The following PTPRN2 variants were observed in gnomAD, a reference collection of about 807,000 sequenced individuals.
The protein encoded by PTPRN2 is protein tyrosine phosphatase receptor type N2.
In PTPRN2, 74 loss-of-function variants were observed where a neutral mutation model predicts 118.8. The ratio of observed to expected loss-of-function variants is 0.62; its 90% CI spans 0.52 to 0.76. The LOEUF (loss-of-function observed/expected upper bound fraction) is 0.76. PTPRN2 is among the 30% of genes least tolerant of loss of function. PTPRN2 has a pLI of 0.00. For synonymous variants in PTPRN2, 641 were observed against 608.0 expected (o/e 1.05, Z -0.80); for missense variants, 1,481 against 1,394.4 (o/e 1.06, Z -0.99).
chr7:157,943,367 G>A (rs773947941), intron 11 of PTPRN2, among the ~76,000 whole-genome samples: 6 of 152,072 alleles, frequency 3.9e-5, no homozygotes, highest in African/African-American at 7.3e-5. Context: ...CTGAATGGCC[G>A]ACTTAGACAA....
At chr7:157,700,515 A>T (rs1293733184) in intron 12 of PTPRN2, among the ~76,000 whole-genome samples, 2 of 152,032 alleles carry the variant, frequency 1.3e-5, no homozygotes, top group African/African-American at 4.8e-5. Flanking sequence ...ATCAGATCCC[A>T]TTACTTTTTT....
intron 6 of PTPRN2, among the ~76,000 whole-genome samples, chr7:158,146,865 G>C (rs543894159): frequency 6.6e-6 from 1 of 151,964 alleles, no homozygotes; most frequent in African/African-American, 2.4e-5. Context: ...GATAGAACAA[G>C]CAAACAGTTT....
chr7:158,489,645 G>T, intron 2 of PTPRN2, 90 bp downstream of exon 2: 2 of 1,367,990 alleles, frequency 1.5e-6, no homozygotes, highest in Non-Finnish European at 2.0e-6. Flanking sequence ...CCAGCTCCAG[G>T]CCAGCGGCGG....
chr7:158,175,821 A>G (rs1824140328), intron 5 of PTPRN2, among the ~76,000 whole-genome samples: 1 of 152,168 alleles, frequency 6.6e-6, no homozygotes, highest in Admixed American at 6.5e-5. Context: ...ACGGGGTGCC[A>G]ATGTGAACTC....
rs1471370402 is a variant in PTPRN2, at chr7:157,861,568, G to C, written c.1788+37105C>G. Among the ~76,000 whole-genome samples, 1 of 152,184 alleles carries C rather than the reference G, an allele frequency of 6.6e-6. No homozygotes were observed. The highest frequency in any genetic ancestry group is 1.5e-5 in the Non-Finnish European group (1 of 68,024). The stretch of plus-strand genomic sequence containing the variant: ...AGACACGCTCCCTGTACTCAAAGCC[G>C]AGCTGTGTGAGGCTTTTGGGGCTGC... On this transcript the variant is annotated intron_variant, in intron 12 of 22. Coordinates refer to ENST00000389418, the MANE Select transcript of PTPRN2 (RefSeq NM_002847.5). This position sits in a 1 kb window ranked among gnomAD's most constrained non-coding sequence, Gnocchi z 5.8.
chr7:158,004,686 T>C (rs1805522958), intron 11 of PTPRN2, among the ~76,000 whole-genome samples: 1 of 152,238 alleles, frequency 6.6e-6, no homozygotes, highest in Non-Finnish European at 1.5e-5. Flanking sequence ...TTTTCATTTT[T>C]TAAAAAATTC....
chr7:157,762,754 A>C (rs1802215140), intron 12 of PTPRN2, among the ~76,000 whole-genome samples: 1 of 152,070 alleles, frequency 6.6e-6, no homozygotes, highest in Admixed American at 6.5e-5. Flanking sequence ...TAATAAAAAA[A>C]AAAGAGAAAA....
intron 12 of PTPRN2, among the ~76,000 whole-genome samples, chr7:157,846,163 C>A (rs2151194209): frequency 6.6e-6 from 1 of 152,072 alleles, no homozygotes; most frequent in Non-Finnish European, 1.5e-5. Flanking sequence ...TCCAGCCAGG[C>A]AATGAAGATG....
chr7:157,580,909 G>C (rs1239262061), intron 17 of PTPRN2, among the ~76,000 whole-genome samples: 13 of 12,920 alleles, frequency 1.0e-3, no homozygotes, highest in South Asian at 9.2e-3. Flanking sequence ...CCTCCACACC[G>C]TGGCACCTGC....
At chr7:158,146,712 C>T (rs1346212335) in intron 6 of PTPRN2, among the ~76,000 whole-genome samples, 3 of 142,530 alleles carry the variant, frequency 2.1e-5, no homozygotes, top group African/African-American at 8.0e-5. Context: ...CAGAGCGAGA[C>T]TCTGCCTCAA....
At chr7:158,493,854 C>T (rs1471135818) in intron 1 of PTPRN2, among the ~76,000 whole-genome samples, 3 of 152,026 alleles carry the variant, frequency 2.0e-5, no homozygotes, top group Admixed American at 2.0e-4. Flanking sequence ...CACACTCATA[C>T]ATGTGAGCAT....
chr7:157,777,115 C>T (rs531539323), intron 12 of PTPRN2, among the ~76,000 whole-genome samples: 27 of 151,906 alleles, frequency 1.8e-4, no homozygotes, highest in African/African-American at 4.3e-4. Context: ...TTTCTTTCTC[C>T]GCTTTTCCTG....
intron 11 of PTPRN2, among the ~76,000 whole-genome samples, chr7:158,021,489 C>T (rs1806867037): frequency 6.6e-6 from 1 of 152,094 alleles, no homozygotes; most frequent in Non-Finnish European, 1.5e-5. Context: ...CGCACACACA[C>T]AGAGGATATC....
intron 14 of PTPRN2, among the ~76,000 whole-genome samples, chr7:157,625,392 A>G (rs1260764539): frequency 6.6e-6 from 1 of 152,246 alleles, no homozygotes; most frequent in Non-Finnish European, 1.5e-5. Flanking sequence ...ATGGAATACT[A>G]CACAGCCATA....
At chr7:157,767,071 C>G (rs1802528023) in intron 12 of PTPRN2, among the ~76,000 whole-genome samples, 1 of 152,154 alleles carries the variant, frequency 6.6e-6, no homozygotes, top group African/African-American at 2.4e-5. Context: ...CACAGCTCCC[C>G]CTGCAGGGTA....
intron 12 of PTPRN2, among the ~76,000 whole-genome samples, chr7:157,803,966 A>T (rs577792578): frequency 7.9e-5 from 12 of 152,374 alleles, no homozygotes; most frequent in Admixed American, 7.8e-4. Flanking sequence ...GAAATAATAA[A>T]CATTTTCTAA....
intron 11 of PTPRN2, among the ~76,000 whole-genome samples, chr7:157,995,846 G>C (rs1804682866): frequency 6.6e-6 from 1 of 152,236 alleles, no homozygotes; most frequent in Non-Finnish European, 1.5e-5. Context: ...AATGCACACT[G>C]GAACGATAGC....
chr7:157,802,778 C>T (rs192944221), intron 12 of PTPRN2, among the ~76,000 whole-genome samples: 12 of 152,322 alleles, frequency 7.9e-5, no homozygotes, highest in Admixed American at 2.6e-4. Flanking sequence ...AGAGACGTAT[C>T]TCATCGTGGC....
At chr7:158,052,774 G>A (rs1038378011) in intron 11 of PTPRN2, among the ~76,000 whole-genome samples, 2 of 152,150 alleles carry the variant, frequency 1.3e-5, no homozygotes, top group Non-Finnish European at 2.9e-5. Flanking sequence ...CCTCGAGGGG[G>A]CTGTGGAGGG....
Sources: gnomAD v4.1 joint callset for allele counts (sites outside exome capture counted in the v4.1 genomes callset) on GRCh38, gnomAD v4.1.1 for gene constraint, Gnocchi (gnomAD v3.1) non-coding constraint, MANE v1.5 for transcripts, NCBI Gene and HGNC (gene_info 2026-07-23, HGNC 2026-07-21) for gene names.